The following UBAC2 variants were observed in gnomAD, a reference collection of about 807,000 sequenced individuals.
The protein encoded by UBAC2 is ubiquitin-associated domain-containing protein 2.
A neutral mutation model predicts 44.0 loss-of-function variants in UBAC2; 26 were observed. That is an observed-to-expected ratio of 0.59 (90% CI 0.43 to 0.82). The LOEUF (loss-of-function observed/expected upper bound fraction) is 0.82. UBAC2 is among the 40% of genes least tolerant of loss of function. UBAC2 has a pLI of 0.00. For synonymous variants in UBAC2, 155 were observed against 154.3 expected, an observed-to-expected ratio of 1.00 and a Z score of -0.04; for missense variants, 329 against 419.4, an observed-to-expected ratio of 0.78 and a Z score of 1.88.
chr13:99,244,681 GT>G, intron 4 of UBAC2, 57 bp downstream of exon 4: 1 of 1,014,952 alleles, frequency 9.9e-7, no homozygotes, highest in Non-Finnish European at 1.5e-6. Flanking sequence ...GATTTAAAGT[GT>G]TATTATTATT....
At chr13:99,253,835 G>A (rs528407980) in intron 4 of UBAC2, among the ~76,000 whole-genome samples, 1 of 152,290 alleles carries the variant, frequency 6.6e-6, no homozygotes, top group African/African-American at 2.4e-5. Flanking sequence ...TCTAACCAAT[G>A]CATGTATTTG....
At chr13:99,277,440 G>A (rs754625117) in intron 4 of UBAC2, among the ~76,000 whole-genome samples, 1 of 152,092 alleles carries the variant, frequency 6.6e-6, no homozygotes, top group Admixed American at 6.5e-5. Context: ...CAGGAGAATC[G>A]CTTGAACCTG....
intron 1 of UBAC2, among the ~76,000 whole-genome samples, chr13:99,230,413 G>T (rs557286111): frequency 6.6e-6 from 1 of 152,110 alleles, no homozygotes; most frequent in South Asian, 2.1e-4. Context: ...AGGTTGCAGT[G>T]AGCTGAGATC....
intron 7 of UBAC2, among the ~76,000 whole-genome samples, chr13:99,354,765 A>G (rs1380763792): frequency 6.6e-6 from 1 of 152,150 alleles, no homozygotes; most frequent in East Asian, 1.9e-4. Flanking sequence ...TCATTGTGAA[A>G]GGGCTTCTTG....
chr13:99,270,645 A>G (rs191803641), intron 4 of UBAC2, among the ~76,000 whole-genome samples: 3 of 152,364 alleles, frequency 2.0e-5, no homozygotes, highest in African/African-American at 4.8e-5. Flanking sequence ...TTAGATAGAA[A>G]TTGATGGTTG....
chr13:99,363,520 GGCA>G (rs1444372901), intron 7 of UBAC2, among the ~76,000 whole-genome samples: 1 of 152,240 alleles, frequency 6.6e-6, no homozygotes, highest in Admixed American at 6.5e-5. Context: ...AGGCCGGCGG[GGCA>G]GTGTCCTGAA....
In UBAC2 at chr13:99,311,077, A is replaced by G. The variant is rs1283468765; in HGVS notation, c.390-3020A>G. On this transcript the variant is annotated intron_variant, in intron 4 of 8. Transcript: ENST00000403766. Reference sequence around the variant, plus strand: ...TGTATGGTTTTACTGTTTTAAAGGAAAATTCATTTCTTCTGCAAATATTTA... The same window carrying G: ...TGTATGGTTTTACTGTTTTAAAGGAGAATTCATTTCTTCTGCAAATATTTA... Among the ~76,000 whole-genome samples, 3 of 152,348 alleles carry G rather than the reference A, an allele frequency of 2.0e-5. No individual in the cohort carries two copies. In the East Asian group the frequency reaches 5.8e-4, roughly 29 times the overall value.
intron 1 of UBAC2, among the ~76,000 whole-genome samples, chr13:99,203,251 G>A (rs2042828118): frequency 6.6e-6 from 1 of 152,094 alleles, no homozygotes; most frequent in African/African-American, 2.4e-5. Context: ...GACCAGGCTG[G>A]TCTTGAGCTC....
At chr13:99,350,539 T>A (rs2045068002) in intron 7 of UBAC2, among the ~76,000 whole-genome samples, 1 of 152,202 alleles carries the variant, frequency 6.6e-6, no homozygotes, top group South Asian at 2.1e-4. Context: ...GATTGCTGAA[T>A]GTGTGCTGGA....
At chr13:99,331,579 A>G (rs1193066310) in intron 6 of UBAC2, among the ~76,000 whole-genome samples, 3 of 152,260 alleles carry the variant, frequency 2.0e-5, no homozygotes, top group Admixed American at 2.0e-4. Flanking sequence ...TAGAAAAGCT[A>G]TAGAAAGTTC....
intron 4 of UBAC2, among the ~76,000 whole-genome samples, chr13:99,283,106 T>C (rs1325631354): frequency 6.6e-6 from 1 of 152,240 alleles, no homozygotes; most frequent in Non-Finnish European, 1.5e-5. Flanking sequence ...TAATCAGTCA[T>C]GGGTACACCA....
At chr13:99,232,906 C>T (rs1179347987) in intron 1 of UBAC2, among the ~76,000 whole-genome samples, 1 of 152,100 alleles carries the variant, frequency 6.6e-6, no homozygotes, top group East Asian at 1.9e-4. Flanking sequence ...CACGCCACTG[C>T]ACTCTAGCCT....
chr13:99,385,767 T>C lies in UBAC2; in HGVS notation c.*432T>C, dbSNP rs138599225. ...TGTCAGATCCTTCTTCATGGACTTT[T>C]TTAGTTACTGTTTTTTCTCTCAAAC... is the stretch of plus-strand genomic sequence containing the variant. On this transcript the variant is annotated 3_prime_UTR_variant, in exon 9 of 9. Transcript: ENST00000403766. The C allele has an allele frequency of 1.5e-3, 249 of 163,720 alleles. No homozygotes were observed. The highest frequency in any genetic ancestry group is 2.3e-3 in the Non-Finnish European group (173 of 74,136). 10.1% of individuals were successfully genotyped at this position (163,720 alleles called of 1,614,324 possible).
At chr13:99,223,201 T>C (rs893543989) in intron 1 of UBAC2, among the ~76,000 whole-genome samples, 4 of 152,142 alleles carry the variant, frequency 2.6e-5, no homozygotes, top group Non-Finnish European at 5.9e-5. Flanking sequence ...AAGAAATACA[T>C]AACATAAAAC....
chr13:99,346,972 A>G (rs1180946516), intron 7 of UBAC2, among the ~76,000 whole-genome samples: 1 of 152,190 alleles, frequency 6.6e-6, no homozygotes, highest in Non-Finnish European at 1.5e-5. Context: ...CAGATGAATA[A>G]TCAGGGCTGG....
intron 6 of UBAC2, among the ~76,000 whole-genome samples, chr13:99,327,490 G>GTT (rs1281527578): frequency 1.3e-5 from 2 of 152,064 alleles, no homozygotes; most frequent in Non-Finnish European, 2.9e-5. Flanking sequence ...CTCTCTGTGT[G>GTT]TGTGTGTGTG....
chr13:99,292,992 A>G (rs1204496209), intron 4 of UBAC2, among the ~76,000 whole-genome samples: 1 of 152,206 alleles, frequency 6.6e-6, no homozygotes, highest in Non-Finnish European at 1.5e-5. Flanking sequence ...ACTAATAACA[A>G]GACAGTGAGA....
chr13:99,330,463 A>AAAAAAAAAAAAAAAAAAAAAG (rs1398802493), intron 6 of UBAC2, among the ~76,000 whole-genome samples: 1 of 147,832 alleles, frequency 6.8e-6, no homozygotes, highest in African/African-American at 2.5e-5. Flanking sequence ...CATCTCAAAA[A>AAAAAAAAAAAAAAAAAAAAAG]AAAAAAAAAA....
intron 4 of UBAC2, among the ~76,000 whole-genome samples, chr13:99,273,464 A>C (rs2043843623): frequency 6.6e-6 from 1 of 152,174 alleles, no homozygotes; most frequent in Non-Finnish European, 1.5e-5. Flanking sequence ...AGAAATTAGC[A>C]GTATTGAGAG....
Sources: gnomAD v4.1 joint callset for allele counts (sites outside exome capture counted in the v4.1 genomes callset) on GRCh38, gnomAD v4.1.1 for gene constraint, MANE v1.5 for transcripts, NCBI Gene and HGNC (gene_info 2026-07-23, HGNC 2026-07-21) for gene names.